The following MTMR9 variants were observed in gnomAD, a reference collection of about 807,000 sequenced individuals.
The protein encoded by MTMR9 is myotubularin related protein 9, also known as myotubularin-related protein 9.
A neutral mutation model predicts 69.5 loss-of-function variants in MTMR9; 39 were observed. The ratio of observed to expected loss-of-function variants is 0.56; its 90% CI spans 0.43 to 0.73. The LOEUF is 0.73. Ranked by LOEUF, MTMR9 falls within the 30% of genes least tolerant of loss-of-function variation. MTMR9 has a pLI of 0.00. For missense variants in MTMR9, 900 were observed against 671.2 expected, an observed-to-expected ratio of 1.34 and a Z score of -3.77; for synonymous variants, 354 against 240.8, an observed-to-expected ratio of 1.47 and a Z score of -4.35.
At chr8:11,297,402 T>G (rs544880764) in intron 2 of MTMR9, among the ~76,000 whole-genome samples, 2 of 152,366 alleles carry the variant, frequency 1.3e-5, no homozygotes, top group African/African-American at 4.8e-5. Context: ...TGATGTAATT[T>G]GTTAAATTGA....
In MTMR9 at chr8:11,284,853, C is replaced by T. The variant is rs202002106; in HGVS notation, c.-36C>T. ...CGGCGGGGTAACCGCCTCGCACCTA[C>T]CGGGCTCGGTTCCCTGGCTCCGGCC... On this transcript the variant is annotated 5_prime_UTR_variant, in exon 1 of 10. Transcript: ENST00000221086. The T allele has an allele frequency of 3.2e-6, 5 of 1,558,040 alleles. No homozygotes were observed. Among genetic ancestry groups the T allele is most frequent in the East Asian group, 4.9e-5 (2 of 41,194 alleles).
chr8:11,338,219 G>C, the MTMR9 span, among the ~76,000 whole-genome samples: 2 of 152,222 alleles, frequency 1.3e-5, no homozygotes, highest in African/African-American at 4.8e-5. Context: ...CCTCGGCAGA[G>C]TATTGAAGAA....
chr8:11,295,938 T>G (rs1200163940), intron 2 of MTMR9, among the ~76,000 whole-genome samples: 3 of 152,150 alleles, frequency 2.0e-5, no homozygotes, highest in African/African-American at 7.2e-5. Context: ...TGCAAACCAC[T>G]AGTGAGTTAA....
In MTMR9 at chr8:11,284,950, TC is replaced by T; in HGVS notation, c.63del (p.Tyr22ThrfsTer10). 1 of 1,613,980 alleles carries T rather than the reference TC, an allele frequency of 6.2e-7. No homozygotes were observed. The highest frequency in any genetic ancestry group is 1.7e-5 in the Admixed American group (1 of 60,008). ...RVDNVVLHRP[F>X]YPAVEGTLCL... ...GACAATGTGGTGCTGCACCGGCCTT[TC>T]TACCCGGCTGTCGAGGGCACCCTGT... On this transcript the variant is annotated frameshift_variant, in exon 1 of 10. Transcript: ENST00000221086. LOFTEE classifies it high-confidence loss of function.
At position 11,320,948 on chromosome 8, in the gene MTMR9, C is replaced by T. The variant is rs75014013; in HGVS notation, c.1486+1110C>T. Reference sequence around the variant, plus strand: ...GAATTACCGTTAATGCCAGTTGTTACGCCGTATTCTAGTATGTTATACTCT... The same window carrying T: ...GAATTACCGTTAATGCCAGTTGTTATGCCGTATTCTAGTATGTTATACTCT... On this transcript the variant is annotated intron_variant, in intron 9 of 9. Transcript: ENST00000221086. 1.8e-3 allele frequency: 269 copies of T among 152,752 alleles called. 1 individual carries two copies. The highest frequency in any genetic ancestry group is 3.1e-3 in the South Asian group (15 of 4,852). 9.5% of individuals were successfully genotyped at this position (152,752 alleles called of 1,614,324 possible).
rs539839879 is a variant in MTMR9, at chr8:11,326,214, T to C, written c.*3426T>C. 19 of 152,192 alleles carry C rather than the reference T, an allele frequency of 1.2e-4. No individual in the cohort carries two copies. The highest frequency in any genetic ancestry group is 6.3e-4 in the South Asian group (3 of 4,796). The allele number at this position is 152,192 out of a possible 1,614,324, so 9.4% of individuals were successfully genotyped here. A position where few individuals can be genotyped will look rare whatever the true frequency, so the allele number is the denominator to read the frequency against. On this transcript the variant is annotated 3_prime_UTR_variant, in exon 10 of 10. Coordinates refer to ENST00000221086, the MANE Select transcript of MTMR9 (RefSeq NM_015458.4). ...TCGTGTAGTTGTCTGGTTTCAGGGA[T>C]AGCTGTTTGAATTGTCATTCTAAAG... is the stretch of plus-strand genomic sequence containing the variant.
chr8:11,325,077 A>G lies in MTMR9; in HGVS notation c.*2289A>G, dbSNP rs1176246989. 6.6e-6 allele frequency: 1 copy of G among 152,230 alleles called. No homozygotes were observed. Among genetic ancestry groups the G allele is most frequent in the Non-Finnish European group, 1.5e-5 (1 of 68,046 alleles). The allele number at this position is 152,230 out of a possible 1,614,324, so 9.4% of individuals were successfully genotyped here. On this transcript the variant is annotated 3_prime_UTR_variant, in exon 10 of 10. Coordinates refer to ENST00000221086, the MANE Select transcript of MTMR9 (RefSeq NM_015458.4). ...TCGTTTTCTCTGTCTCACTGAGACA[A>G]CAATCTATACTGTTTTGGCAAGTTT...
chr8:11,324,811 C>G lies in MTMR9; in HGVS notation c.*2023C>G, dbSNP rs75406796. 2.0e-5 allele frequency: 3 copies of G among 152,226 alleles called. No homozygotes were observed. The highest frequency in any genetic ancestry group is 4.4e-5 in the Non-Finnish European group (3 of 68,118). The allele number at this position is 152,226 out of a possible 1,614,324, so 9.4% of individuals were successfully genotyped here. ...GGTTGAGGCTGCAGTGAGCTATGAT[C>G]GCATCAGTCCACTCCAGCCTGAGCA... On this transcript the variant is annotated 3_prime_UTR_variant, in exon 10 of 10. Transcript: ENST00000221086.
intron 2 of MTMR9, among the ~76,000 whole-genome samples, chr8:11,299,536 A>T (rs968543714): frequency 1.3e-5 from 2 of 152,164 alleles, no homozygotes; most frequent in African/African-American, 4.8e-5. Context: ...CGGCATTCTC[A>T]TTCCCATCTG....
At position 11,319,743 on chromosome 8, in the gene MTMR9, C is replaced by G. The variant is rs147083766; in HGVS notation, c.1391C>G (p.Pro464Arg). Reference protein sequence around the residue: ...TMSLWSWVNQPSELSKFTNPL... With the variant: ...TMSLWSWVNQRSELSKFTNPL... ...TCTTTGTGGTCCTGGGTTAATCAGC[C>G]CAGTGAGCTGAGTAAATTCACCAAT... The change falls in exon 9 of 10, where the codon CCC becomes CGC. Residue 464 changes from proline (P) to arginine (R), a missense_variant. By Grantham distance (103) the Pro-to-Arg change is moderately radical. Transcript: ENST00000221086. 219 of 1,613,838 alleles carry G rather than the reference C, an allele frequency of 1.4e-4. No homozygotes were observed. The highest frequency in any genetic ancestry group is 1.8e-4 in the Non-Finnish European group (209 of 1,179,880).
intron 9 of MTMR9, among the ~76,000 whole-genome samples, chr8:11,322,391 A>G (rs1436650795): frequency 2.0e-5 from 3 of 152,256 alleles, no homozygotes; most frequent in Non-Finnish European, 4.4e-5. Context: ...TTTCTGAAGA[A>G]TCAATGAGCA....
Position 11,309,412 on chromosome 8 carries a change from A to T in MTMR9, c.810-115A>T, listed in dbSNP as rs986258206. ...AAATTATAGCAGGGTAAATATTTTT[A>T]TAGTATTTTGAACTACTTTTGCTCT... On this transcript the variant is annotated intron_variant, in intron 5 of 9. Coordinates refer to ENST00000221086, the MANE Select transcript of MTMR9 (RefSeq NM_015458.4). The T allele has an allele frequency of 5.0e-6, 4 of 793,604 alleles. No individual in the cohort carries two copies. The African/African-American group carries it at 5.2e-5, about 10-fold the overall frequency. The allele number at this position is 793,604 out of a possible 1,614,324, so 49.2% of individuals were successfully genotyped here. A position where few individuals can be genotyped will look rare whatever the true frequency, so the allele number is the denominator to read the frequency against.
intron 9 of MTMR9, chr8:11,321,331 C>G (rs1428810923): frequency 2.2e-6 from 1 of 447,484 alleles, no homozygotes; most frequent in Admixed American, 2.4e-5. Context: ...TTCATGATCT[C>G]TTAAACGAGA....
rs779401724 is a variant in MTMR9 at position 11,314,983 on chromosome 8, C to T, written c.1032C>T (p.Thr344=). ...TEGTDSTLQV[T]SLAQIILEPR... is the part of the protein sequence containing the mutation. ...GAACTGATTCCACACTCCAGGTGAC[C>T]TCCTTGGCCCAGATCATCTTAGAGC... Residue 344 remains threonine, a synonymous_variant, in exon 7 of 10, where the codon ACC becomes ACT. Transcript: ENST00000221086. The T allele has an allele frequency of 2.5e-6, 4 of 1,613,878 alleles. No homozygotes were observed. In the African/African-American group the frequency reaches 4.0e-5, roughly 16 times the overall value.
At chr8:11,290,233 A>G (rs1007674103) in intron 1 of MTMR9, among the ~76,000 whole-genome samples, 2 of 152,092 alleles carry the variant, frequency 1.3e-5, no homozygotes, top group African/African-American at 2.4e-5. Flanking sequence ...TATGCTTGTG[A>G]GCAGTATACT....
At chr8:11,295,797 A>G (rs1443302159) in intron 2 of MTMR9, among the ~76,000 whole-genome samples, 1 of 152,152 alleles carries the variant, frequency 6.6e-6, no homozygotes. Flanking sequence ...GGAATTGTAA[A>G]CCAATAAAAT....
chr8:11,331,769 A>G (rs1395435298), downstream of MTMR9: 12 of 1,611,812 alleles, frequency 7.4e-6, no homozygotes, highest in African/African-American at 1.2e-4. Flanking sequence ...GCCTCCCAAC[A>G]GTGGCCTTCC....
chr8:11,334,714 C>G, the MTMR9 span, among the ~76,000 whole-genome samples: 1 of 151,792 alleles, frequency 6.6e-6, no homozygotes, highest in African/African-American at 2.4e-5. Flanking sequence ...CAGACAATGA[C>G]GGAATGGAAA....
At chr8:11,329,272 C>G (rs982142874), downstream of MTMR9, among the ~76,000 whole-genome samples, 2 of 152,194 alleles carry the variant, frequency 1.3e-5, no homozygotes, top group Non-Finnish European at 2.9e-5. Context: ...TGCTCATCTG[C>G]AGTCCTTGCT....
Sources: allele counts gnomAD v4.1 joint callset (sites outside exome capture counted in the v4.1 genomes callset), GRCh38; gene constraint gnomAD v4.1.1; transcripts MANE v1.5; gene names NCBI Gene and HGNC (gene_info 2026-07-23, HGNC 2026-07-21).